The following ANP32A variants were observed in gnomAD, a reference collection of about 807,000 sequenced individuals.
ANP32A encodes the protein acidic leucine-rich nuclear phosphoprotein 32 family member A.
ANP32A carries 1 observed loss-of-function variant against 33.9 expected under a neutral mutation model. The observed-to-expected ratio is 0.03, with a 90% CI of 0.01 to 0.14. ANP32A has a LOEUF of 0.14. Ranked by LOEUF, ANP32A falls within the 10% of genes least tolerant of loss-of-function variation. The pLI is 1.00. For missense variants in ANP32A, 155 were observed against 306.0 expected (o/e 0.51, Z 3.68); for synonymous variants, 115 against 120.5 (o/e 0.95, Z 0.30).
intron 3 of ANP32A, chr15:68,787,104 A>G (rs562712393): frequency 1.1e-4 from 35 of 333,218 alleles, no homozygotes; most frequent in African/African-American, 6.9e-4. Flanking sequence ...AAGACATTAC[A>G]GCTCAGGTTT....
chr15:68,800,147 G>C (rs1481986479), intron 1 of ANP32A, among the ~76,000 whole-genome samples: 2 of 152,118 alleles, frequency 1.3e-5, no homozygotes, highest in African/African-American at 2.4e-5. Context: ...TAATAATATT[G>C]TATGATAAAG....
chr15:68,818,933 C>A (rs1894431109), intron 1 of ANP32A, among the ~76,000 whole-genome samples: 1 of 151,718 alleles, frequency 6.6e-6, no homozygotes, highest in African/African-American at 2.4e-5. Context: ...CGCGGAAACT[C>A]CGGCCTCCAC....
chr15:68,781,598 T>G (rs930009465), intron 5 of ANP32A: 1 of 148,166 alleles, frequency 6.7e-6, no homozygotes, highest in Admixed American at 6.8e-5. Flanking sequence ...ACCAAGCTCA[T>G]CTGGCCAGCT....
At chr15:68,784,621 A>G (rs759634956) in intron 3 of ANP32A, 26 bp from the exon 4 acceptor site, 3 of 1,613,082 alleles carry the variant, frequency 1.9e-6, no homozygotes, top group Non-Finnish European at 2.5e-6. Context: ...TGAAGCCAAC[A>G]GTAAGTGATT....
chr15:68,803,621 G>A (rs879723138), intron 1 of ANP32A, among the ~76,000 whole-genome samples: 7 of 152,068 alleles, frequency 4.6e-5, no homozygotes, highest in Non-Finnish European at 1.5e-5. Context: ...CAGAGCCACA[G>A]AGGAAACCCA....
intron 1 of ANP32A, among the ~76,000 whole-genome samples, chr15:68,792,815 G>A (rs530969989): frequency 6.6e-6 from 1 of 152,190 alleles, no homozygotes; most frequent in Admixed American, 6.5e-5. Context: ...CTCTCCCCCA[G>A]GCCTCAGGCT....
intron 1 of ANP32A, among the ~76,000 whole-genome samples, chr15:68,810,164 C>T (rs76134624): frequency 0.013 from 1,941 of 152,220 alleles, 14 homozygotes; most frequent in Middle Eastern, 0.02. Flanking sequence ...GAACAGATGA[C>T]GGGAAGTGGC....
At chr15:68,809,813 T>C (rs1157246815) in intron 1 of ANP32A, among the ~76,000 whole-genome samples, 3 of 152,224 alleles carry the variant, frequency 2.0e-5, no homozygotes, top group Non-Finnish European at 4.4e-5. Context: ...CATCAGTACT[T>C]CTAGAATGCT....
At chr15:68,810,380 C>T (rs1440174188) in intron 1 of ANP32A, among the ~76,000 whole-genome samples, 1 of 152,086 alleles carries the variant, frequency 6.6e-6, no homozygotes, top group Non-Finnish European at 1.5e-5. Flanking sequence ...ACAGACAAGA[C>T]TTGTGATGAT....
At chr15:68,815,346 A>T (rs1311954438) in intron 1 of ANP32A, among the ~76,000 whole-genome samples, 2 of 152,232 alleles carry the variant, frequency 1.3e-5, no homozygotes, top group Non-Finnish European at 2.9e-5. Flanking sequence ...TTATAACAAG[A>T]GAAAAATCTA....
At chr15:68,782,710 C>T in intron 5 of ANP32A, 1 of 582,712 alleles carries the variant, frequency 1.7e-6, no homozygotes, top group Non-Finnish European at 2.9e-6. Flanking sequence ...CTTACCCCAG[C>T]AGGTTCAGTC....
chr15:68,800,250 C>T (rs762325532), intron 1 of ANP32A, among the ~76,000 whole-genome samples: 3 of 152,008 alleles, frequency 2.0e-5, no homozygotes, highest in Non-Finnish European at 4.4e-5. Flanking sequence ...GATGCAGGCC[C>T]GATACAATCA....
intron 1 of ANP32A, among the ~76,000 whole-genome samples, chr15:68,798,179 G>T (rs1894087413): frequency 6.6e-6 from 1 of 152,226 alleles, no homozygotes; most frequent in African/African-American, 2.4e-5. Context: ...AGTCTTCAGG[G>T]AGCAGCCCAG....
intron 3 of ANP32A, among the ~76,000 whole-genome samples, chr15:68,786,998 C>T (rs1257537589): frequency 6.6e-6 from 1 of 152,172 alleles, no homozygotes; most frequent in Non-Finnish European, 1.5e-5. Context: ...GGCCAGCGAC[C>T]CAAGGAGAAA....
chr15:68,796,333 C>A (rs756530576), intron 1 of ANP32A, among the ~76,000 whole-genome samples: 1 of 151,906 alleles, frequency 6.6e-6, no homozygotes, highest in Non-Finnish European at 1.5e-5. Context: ...CACCTGCCTC[C>A]GCCTCCCAAA....
chr15:68,784,313 G>A, intron 4 of ANP32A, 84 bp downstream of exon 4: 2 of 1,290,660 alleles, frequency 1.5e-6, no homozygotes, highest in South Asian at 2.5e-5. Flanking sequence ...CCAACACCCA[G>A]CCCACCCACC....
At chr15:68,798,337 T>A (rs974754179) in intron 1 of ANP32A, among the ~76,000 whole-genome samples, 2 of 152,166 alleles carry the variant, frequency 1.3e-5, no homozygotes, top group Non-Finnish European at 2.9e-5. Context: ...GCATAACCCA[T>A]CTAAGAAAAC....
intron 1 of ANP32A, among the ~76,000 whole-genome samples, chr15:68,813,722 A>T (rs1439034611): frequency 3.3e-5 from 5 of 152,154 alleles, no homozygotes; most frequent in African/African-American, 4.8e-5. Flanking sequence ...TCTTAAACTA[A>T]GTTAGAATTC....
chr15:68,799,217 G>T (rs1410566289), intron 1 of ANP32A, among the ~76,000 whole-genome samples: 1 of 152,174 alleles, frequency 6.6e-6, no homozygotes, highest in African/African-American at 2.4e-5. Context: ...AAAAGAAATG[G>T]AATGAGGGAA....
Sources: gnomAD v4.1 joint callset for allele counts (sites outside exome capture counted in the v4.1 genomes callset) on GRCh38, gnomAD v4.1.1 for gene constraint, MANE v1.5 for transcripts, NCBI Gene and HGNC (gene_info 2026-07-23, HGNC 2026-07-21) for gene names.